Variants in KIF26A observed in about 807,000 individuals in gnomAD.
KIF26A encodes kinesin-like protein KIF26A.
Under a neutral mutation model 126.0 loss-of-function variants are expected in KIF26A, and 74 were observed. That is an observed-to-expected ratio of 0.59 (90% CI 0.49 to 0.71). The LOEUF (loss-of-function observed/expected upper bound fraction) is 0.71, where lower values mean the gene tolerates loss of function less well. Ranked by LOEUF, KIF26A falls within the 30% of genes least tolerant of loss-of-function variation. KIF26A has a pLI of 0.00. For synonymous variants in KIF26A, 1,445 were observed against 1,232.7 expected, an observed-to-expected ratio of 1.17 and a Z score of -3.61; for missense variants, 2,984 against 2,763.3, an observed-to-expected ratio of 1.08 and a Z score of -1.79.
chr14:104,157,728 T>A (rs1395916098), intron 3 of KIF26A, 27 bp from the exon 4 acceptor site: 2 of 1,604,372 alleles, frequency 1.2e-6, no homozygotes, highest in African/African-American at 2.7e-5. Flanking sequence ...CTTGCGTTCC[T>A]TATACGCACT....
intron 7 of KIF26A, 103 bp downstream of exon 7, chr14:104,172,771 T>C (rs1173369577): frequency 9.0e-7 from 1 of 1,115,036 alleles, no homozygotes; most frequent in African/African-American, 1.6e-5. Flanking sequence ...AGGCTGGTCC[T>C]ACACATGGGC....
Position 104,148,446 on chromosome 14 carries a change from C to T in KIF26A, c.289-3569C>T, listed in dbSNP as rs929657750. 5.9e-5 allele frequency among the ~76,000 whole-genome samples: 9 copies of T among 152,260 alleles called. No homozygotes were observed. Among genetic ancestry groups the T allele is most frequent in the Admixed American group, 3.9e-4 (6 of 15,300 alleles). The stretch of plus-strand genomic sequence containing the variant: ...AGGCTGTGGAGGCCTGGGTGACAGG[C>T]GGGCCTGCTGGCTGGGGCTTTGAGG... On this transcript the variant is annotated intron_variant, in intron 2 of 14. Coordinates refer to ENST00000423312, the MANE Select transcript of KIF26A (RefSeq NM_015656.2). This position sits in a 1 kb window ranked among gnomAD's most constrained non-coding sequence, Gnocchi z 4.3.
At chr14:104,156,209 C>T (rs1052718639) in intron 3 of KIF26A, among the ~76,000 whole-genome samples, 2 of 152,236 alleles carry the variant, frequency 1.3e-5, no homozygotes, top group Non-Finnish European at 2.9e-5. Context: ...TCTTTCCTGT[C>T]TGCTCAGCAA....
rs1481540505 is a variant in KIF26A, at chr14:104,177,692, G to A, written c.4904G>A (p.Ser1635Asn). 6.5e-7 allele frequency: 1 copy of A among 1,531,518 alleles called. No individual in the cohort carries two copies. Among genetic ancestry groups the A allele is most frequent in the African/African-American group, 1.4e-5 (1 of 72,830 alleles). 94.9% of individuals were successfully genotyped at this position (1,531,518 alleles called of 1,614,324 possible). Reference protein sequence around the residue: ...YSSGHGSDNSSVLSGELPPAM... With the variant: ...YSSGHGSDNSNVLSGELPPAM... ...AGCGGCCATGGCAGCGACAACAGCAGCGTGCTGAGTGGAGAGCTGCCGCCC... is the reference window on the plus strand; with the variant it reads ...AGCGGCCATGGCAGCGACAACAGCAACGTGCTGAGTGGAGAGCTGCCGCCC... Residue 1635 changes from serine (S) to asparagine (N), a missense_variant, in exon 12 of 15, where the codon AGC becomes AAC. By Grantham distance (46) the Ser-to-Asn change is conservative (BLOSUM62 1). Coordinates refer to ENST00000423312, the MANE Select transcript of KIF26A (RefSeq NM_015656.2).
rs999889858 is a variant in KIF26A at position 104,171,878 on chromosome 14, T to C, written c.1269T>C (p.Thr423=). The change falls in exon 6 of 15, where the codon ACT becomes ACC. Residue 423 remains threonine, a synonymous_variant. Transcript: ENST00000423312. ...GCGCAGGCCCCCGGCGAGCCGCCAC[T>C]GCTGCAGTTCCCAAGATGTTTGCCT... ...PGSAGPRRAA[T]AAVPKMFAFD... The C allele has an allele frequency of 1.3e-6, 2 of 1,558,878 alleles. No individual in the cohort carries two copies. The highest frequency in any genetic ancestry group is 1.7e-6 in the Non-Finnish European group (2 of 1,152,378).
intron 2 of KIF26A, among the ~76,000 whole-genome samples, chr14:104,145,783 C>T (rs2037675375): frequency 6.6e-6 from 1 of 152,226 alleles, no homozygotes. Flanking sequence ...AAGCCCTCGT[C>T]CTCCAGCCGC....
intron 9 of KIF26A, 85 bp from the exon 10 acceptor site, chr14:104,173,620 TC>T (rs1022044858): frequency 1.3e-6 from 2 of 1,539,400 alleles, no homozygotes; most frequent in African/African-American, 2.7e-5. Context: ...CCTGGGGTTG[TC>T]CCCAGCTTGG....
In KIF26A at chr14:104,152,306, G is replaced by T; in HGVS notation, c.580G>T (p.Gly194Trp). ...PGRAGPDRTK[G>W]LAWSPGPSVQ... ...ACGAGCTGGGCCAGACAGGACCAAG[G>T]GGCTGGCCTGGTCCCCCGGGCCCAG... Residue 194 changes from glycine (G) to tryptophan (W), a missense_variant, in exon 3 of 15, where the codon GGG (glycine) becomes TGG (tryptophan). Coordinates refer to ENST00000423312, the MANE Select transcript of KIF26A (RefSeq NM_015656.2). The surrounding 1 kb of genome is among the most constrained non-coding windows in gnomAD (Gnocchi z 5.9). 1 of 1,583,884 alleles carries T rather than the reference G, an allele frequency of 6.3e-7. No individual in the cohort carries two copies.
In KIF26A at chr14:104,177,878, C is replaced by T. The variant is rs778146279; in HGVS notation, c.5090C>T (p.Ser1697Phe). The T allele has an allele frequency of 2.7e-5, 41 of 1,546,430 alleles. 1 individual carries two copies. The South Asian group carries it at 3.8e-4, about 15-fold the overall frequency. The change falls in exon 12 of 15, where the codon TCC becomes TTC. Residue 1697 changes from serine (S) to phenylalanine (F), a missense_variant. By Grantham distance (155) the Ser-to-Phe change is radical. Coordinates refer to ENST00000423312, the MANE Select transcript of KIF26A (RefSeq NM_015656.2). ...GGCGCCCGCACCCGCAGCCTCAAGT[C>T]CCCCAAGAAGAGGGCCACAGGTGGG... ...SPGARTRSLK[S>F]PKKRATGLQR...
At chr14:104,153,575 CGAGGT>C (rs2037750287) in intron 3 of KIF26A, among the ~76,000 whole-genome samples, 1 of 10,774 alleles carries the variant, frequency 9.3e-5, no homozygotes, top group Non-Finnish European at 3.9e-4. Context: ...ACCCTTGCCA[CGAGGT>C]GCCTCCTGGC....
At position 104,173,405 on chromosome 14, in the gene KIF26A, C is replaced by T. The variant is rs1203563512; in HGVS notation, c.1759C>T (p.Arg587Cys). 2.3e-5 allele frequency: 36 copies of T among 1,583,424 alleles called. No individual in the cohort carries two copies. The highest frequency in any genetic ancestry group is 2.8e-5 in the Non-Finnish European group (33 of 1,166,086). ...CTACCTGGATGCGGCCCTGGCGGCC[C>T]GCAGCACCAGCCGAGCGGGCTGTGG... ...AFYLDAALAA[R>C]STSRAGCGED... is the part of the protein sequence containing the mutation. The change falls in exon 9 of 15, where the codon CGC (arginine) becomes TGC (cysteine). Residue 587 changes from arginine (R) to cysteine (C), a missense_variant. Arg to Cys is a radical substitution (Grantham distance 180, BLOSUM62 -3). Coordinates refer to ENST00000423312, the MANE Select transcript of KIF26A (RefSeq NM_015656.2).
At chr14:104,149,407 C>T (rs1268852788) in intron 2 of KIF26A, among the ~76,000 whole-genome samples, 2 of 152,196 alleles carry the variant, frequency 1.3e-5, no homozygotes, top group Admixed American at 6.5e-5. Context: ...GGTACCCTGG[C>T]CCAGATGCCT....
In KIF26A at chr14:104,175,002, C is replaced by T. The variant is rs773368034; in HGVS notation, c.2214C>T (p.Gly738=). Residue 738 remains glycine (G), a synonymous_variant, in exon 12 of 15, where the codon GGC becomes GGT. Transcript: ENST00000423312. The part of the protein sequence containing the change: ...KKAKYASSSS[G]GESSCEEGRA... Reference sequence around the variant, plus strand: ...CCCAGTACGCCTCCAGCTCCTCTGGCGGGGAGAGCTCCTGTGAGGAAGGCC... The same window carrying T: ...CCCAGTACGCCTCCAGCTCCTCTGGTGGGGAGAGCTCCTGTGAGGAAGGCC... 42 of 1,549,270 alleles carry T rather than the reference C, an allele frequency of 2.7e-5. No individual in the cohort carries two copies. Among genetic ancestry groups the T allele is most frequent in the Middle Eastern group, 3.3e-4 (2 of 6,010 alleles).
rs370306538 is a variant in KIF26A, at chr14:104,173,362, G to C, written c.1716G>C (p.Thr572=). The change falls in exon 9 of 15, where the codon ACG becomes ACC. Residue 572 remains threonine (T), a synonymous_variant. Coordinates refer to ENST00000423312, the MANE Select transcript of KIF26A (RefSeq NM_015656.2). ...ACCAAAGCGAGCTGCGGGCACCCAC[G>C]GCCGAGAAGGCGGCTTTCTACCTGG... is the stretch of plus-strand genomic sequence containing the variant. The part of the protein sequence containing the change: ...LQNQSELRAP[T]AEKAAFYLDA... 1 of 1,598,176 alleles carries C rather than the reference G, an allele frequency of 6.3e-7. No individual in the cohort carries two copies. Among genetic ancestry groups the C allele is most frequent in the Non-Finnish European group, 8.5e-7 (1 of 1,173,392 alleles).
intron 1 of KIF26A, 31 bp downstream of exon 1, chr14:104,138,795 G>A: frequency 1.6e-6 from 2 of 1,257,718 alleles, no homozygotes; most frequent in Admixed American, 4.2e-5. Context: ...AGAGGGAGGC[G>A]GGCGGCGGGG....
intron 3 of KIF26A, among the ~76,000 whole-genome samples, chr14:104,156,976 G>A (rs888401277): frequency 2.6e-5 from 4 of 152,138 alleles, no homozygotes; most frequent in East Asian, 1.9e-4. Flanking sequence ...TTGGGGCACT[G>A]GGCCCTTGGG....
In KIF26A at chr14:104,175,327, C is replaced by G; in HGVS notation, c.2539C>G (p.Arg847Gly). 6.2e-7 allele frequency: 1 copy of G among 1,603,932 alleles called. No individual in the cohort carries two copies. The highest frequency in any genetic ancestry group is 8.5e-7 in the Non-Finnish European group (1 of 1,179,464). Residue 847 changes from arginine (R) to glycine (G), a missense_variant, in exon 12 of 15, where the codon CGG (arginine) becomes GGG (glycine). Arg to Gly is a moderately radical substitution (Grantham distance 125, BLOSUM62 -2). Transcript: ENST00000423312. ...RCSTFAELQE[R>G]LECMDGNEGP... ...CAGCACCTTCGCGGAGCTGCAGGAG[C>G]GGCTGGAATGCATGGACGGCAACGA...
At chr14:104,157,157 C>G (rs75342798) in intron 3 of KIF26A, among the ~76,000 whole-genome samples, 4,227 of 152,236 alleles carry the variant, frequency 0.028, 172 homozygotes, top group East Asian at 0.15. Context: ...TGGGCTGTCC[C>G]GGGCGTTTAA....
At chr14:104,159,051 A>G (rs1297471842) in intron 4 of KIF26A, among the ~76,000 whole-genome samples, 1 of 152,204 alleles carries the variant, frequency 6.6e-6, no homozygotes, top group Non-Finnish European at 1.5e-5. Flanking sequence ...GTGACGGGGC[A>G]TATGATTAGG....
Sources: allele counts gnomAD v4.1 joint callset (sites outside exome capture counted in the v4.1 genomes callset), GRCh38; gene constraint gnomAD v4.1.1; non-coding constraint Gnocchi (gnomAD v3.1); transcripts MANE v1.5; gene names NCBI Gene and HGNC (gene_info 2026-07-23, HGNC 2026-07-21).